The following MTCL1 variants were observed in gnomAD, a reference collection of about 807,000 sequenced individuals.
MTCL1 encodes microtubule cross-linking factor 1.
Under a neutral mutation model 141.4 loss-of-function variants are expected in MTCL1, and 79 were observed. The observed-to-expected ratio is 0.56, with a 90% confidence interval of 0.47 to 0.67. The LOEUF is 0.67. MTCL1 is among the 30% of genes least tolerant of loss of function. The pLI is 0.00. For missense variants in MTCL1, 2,177 were observed against 2,113.9 expected, an observed-to-expected ratio of 1.03 and a Z score of -0.59; for synonymous variants, 914 against 875.8, an observed-to-expected ratio of 1.04 and a Z score of -0.77.
chr18:8,706,488 G>A lies in MTCL1; in HGVS notation c.828G>A (p.Ala276=), dbSNP rs151052217. The A allele has an allele frequency of 0.019, 24,449 of 1,269,540 alleles. 306 individuals carry two copies. The highest frequency in any genetic ancestry group is 0.046 in the Middle Eastern group (159 of 3,456). 78.6% of individuals were successfully genotyped at this position (1,269,540 alleles called of 1,614,324 possible). Residue 276 remains alanine, a synonymous_variant, in exon 1 of 14, where the codon GCG becomes GCA. Coordinates refer to the MTCL1 transcript ENST00000306329. ...CGCTCCTCGCCGCGCCCCTCGCCGCGGGCGCCTGTCCCGGGGGCCGGAGCA... is the reference window on the plus strand; with the variant it reads ...CGCTCCTCGCCGCGCCCCTCGCCGCAGGCGCCTGTCCCGGGGGCCGGAGCA...
At chr18:8,803,608 C>T (rs1369705147) in intron 10 of MTCL1, among the ~76,000 whole-genome samples, 1 of 152,172 alleles carries the variant, frequency 6.6e-6, no homozygotes, top group Non-Finnish European at 1.5e-5. Flanking sequence ...TCCTGCTGTG[C>T]CACATGCTGC....
chr18:8,799,800 A>C (rs538535802), intron 10 of MTCL1, among the ~76,000 whole-genome samples: 1 of 152,388 alleles, frequency 6.6e-6, no homozygotes, highest in East Asian at 1.9e-4. Flanking sequence ...CAACAGTCAT[A>C]GAAAATGTTA....
At chr18:8,720,988 G>A (rs547288614) in intron 4 of MTCL1, among the ~76,000 whole-genome samples, 6 of 150,808 alleles carry the variant, frequency 4.0e-5, no homozygotes, top group Non-Finnish European at 7.4e-5. Flanking sequence ...AACAGACAAT[G>A]TATGTAACAC....
At chr18:8,812,145 T>A (rs1023923596) in intron 11 of MTCL1, among the ~76,000 whole-genome samples, 11 of 152,206 alleles carry the variant, frequency 7.2e-5, no homozygotes, top group African/African-American at 2.7e-4. Context: ...CAGAAAATAA[T>A]GAGTTTTATA....
At chr18:8,785,701 C>T (rs1193055405) in intron 6 of MTCL1, 10 of 552,462 alleles carry the variant, frequency 1.8e-5, no homozygotes, top group Non-Finnish European at 2.9e-5. Context: ...TGTGTCCACC[C>T]GCCCCTTTGC....
chr18:8,787,058 C>T (rs1227274321), intron 7 of MTCL1: 1 of 152,982 alleles, frequency 6.5e-6, no homozygotes, highest in African/African-American at 2.4e-5. Context: ...CAGTTAGAGC[C>T]TGTGTCAGAG....
chr18:8,804,372 C>T (rs748511266), intron 10 of MTCL1, among the ~76,000 whole-genome samples: 5 of 151,742 alleles, frequency 3.3e-5, no homozygotes, highest in Non-Finnish European at 5.9e-5. Flanking sequence ...CCTCCCATCT[C>T]AGCCTCCTGA....
rs925105351 is a variant in MTCL1, at chr18:8,759,737, G to A, written c.358-18096G>A. Among the ~76,000 whole-genome samples the A allele has an allele frequency of 3.3e-5, 5 of 152,210 alleles. No homozygotes were observed. In the East Asian group the frequency reaches 5.8e-4, roughly 18 times the overall value. ...AAGTGTGATGGCCACAAATGTCAAC[G>A]TGTTATTATAATAGATTTCCTGTTT... is the stretch of plus-strand genomic sequence containing the variant. On this transcript the variant is annotated intron_variant, in intron 4 of 16. Coordinates refer to ENST00000359865, the Ensembl canonical transcript of MTCL1.
intron 4 of MTCL1, among the ~76,000 whole-genome samples, chr18:8,771,328 G>A (rs1024537489): frequency 2.6e-5 from 4 of 151,992 alleles, no homozygotes; most frequent in Non-Finnish European, 5.9e-5. Context: ...CCTTCTAAAA[G>A]GGAGAAGAAG....
chr18:8,783,697 A>G, exon 6 of MTCL1: 2 of 1,609,064 alleles, frequency 1.2e-6, no homozygotes, highest in African/African-American at 1.3e-5. Flanking sequence ...CCACGGGGGA[A>G]GCAGGCGGGC....
chr18:8,826,007 G>A (rs750558242), exon 15 of MTCL1: 2 of 1,604,966 alleles, frequency 1.2e-6, no homozygotes, highest in South Asian at 1.1e-5. Flanking sequence ...CCATTGGGGT[G>A]GGGTCAGAGA....
At chr18:8,720,531 A>C (rs746819513) in intron 4 of MTCL1, 35 bp downstream of exon 3, 2 of 1,595,938 alleles carry the variant, frequency 1.3e-6, no homozygotes, top group Non-Finnish European at 1.7e-6. Context: ...GCCCCCTTGG[A>C]TTTAATAAGG....
chr18:8,832,163 T>C (rs2077209740), exon 17 of MTCL1: 1 of 222,474 alleles, frequency 4.5e-6, no homozygotes, highest in African/African-American at 2.3e-5. Context: ...TGTCAATACC[T>C]GACTGCCTCT....
At chr18:8,813,508 CG>C (rs1388341213) in intron 12 of MTCL1, among the ~76,000 whole-genome samples, 1 of 151,648 alleles carries the variant, frequency 6.6e-6, no homozygotes, top group Non-Finnish European at 1.5e-5. Context: ...CTTGTGGGAG[CG>C]GGGGGATAAC....
chr18:8,750,923 T>C (rs964073459), intron 4 of MTCL1, among the ~76,000 whole-genome samples: 6 of 152,108 alleles, frequency 3.9e-5, no homozygotes, highest in African/African-American at 9.7e-5. Context: ...TCTGGATGCG[T>C]TGATAAAGTT....
intron 4 of MTCL1, among the ~76,000 whole-genome samples, chr18:8,741,883 G>T (rs540809665): frequency 6.6e-6 from 1 of 152,350 alleles, no homozygotes; most frequent in African/African-American, 2.4e-5. Flanking sequence ...CCGCCGCAGG[G>T]TGGGCATCCT....
At chr18:8,817,650 A>ATGAAT (rs1374329993) in intron 12 of MTCL1, among the ~76,000 whole-genome samples, 1 of 152,214 alleles carries the variant, frequency 6.6e-6, no homozygotes, top group Non-Finnish European at 1.5e-5. Flanking sequence ...TTAAAAAAAA[A>ATGAAT]TGAATTGATC....
exon 11 of MTCL1, chr18:8,807,050 G>C (rs746329016): frequency 6.2e-7 from 1 of 1,612,880 alleles, no homozygotes; most frequent in Non-Finnish European, 8.5e-7. Context: ...CTCAAGTGCC[G>C]TCTGGAACAG....
intron 7 of MTCL1, among the ~76,000 whole-genome samples, chr18:8,788,185 A>G (rs552888751): frequency 2.6e-5 from 4 of 152,318 alleles, no homozygotes; most frequent in South Asian, 4.2e-4. Context: ...GAAAGACAAC[A>G]TGGACACCTT....
Sources: allele counts gnomAD v4.1 joint callset (sites outside exome capture counted in the v4.1 genomes callset), GRCh38; gene constraint gnomAD v4.1.1; transcripts MANE v1.5; gene names NCBI Gene and HGNC (gene_info 2026-07-23, HGNC 2026-07-21).